Variants in PRKG1 observed in about 807,000 individuals in gnomAD.
PRKG1 encodes the protein protein kinase cGMP-dependent 1.
A neutral mutation model predicts 88.1 loss-of-function variants in PRKG1; 35 were observed. The observed-to-expected ratio is 0.40, with a 90% confidence interval of 0.30 to 0.53. The LOEUF (loss-of-function observed/expected upper bound fraction) is 0.53. PRKG1 is among the 20% of genes least tolerant of loss of function. PRKG1 has a pLI of 0.59. For missense variants in PRKG1, 540 were observed against 839.8 expected (o/e 0.64, Z 4.41); for synonymous variants, 303 against 292.5 (o/e 1.04, Z -0.37).
chr10:52,273,465 A>G (rs12412591), intron 12 of PRKG1, among the ~76,000 whole-genome samples: 3,922 of 152,110 alleles, frequency 0.026, 285 homozygotes, highest in East Asian at 0.24. Context: ...ATAACCATGT[A>G]ATGTTTTTAT....
In PRKG1 at chr10:52,016,501, C is replaced by A. The variant is rs1015764569; in HGVS notation, c.763-37983C>A. ...ATGAGATTCAAGTGGGGACACAGAGCCAAACTATATCAATAATTCCATCAT... is the reference window on the plus strand; with the variant it reads ...ATGAGATTCAAGTGGGGACACAGAGACAAACTATATCAATAATTCCATCAT... On this transcript the variant is annotated intron_variant, in intron 5 of 17. Transcript: ENST00000373980. 2.6e-5 allele frequency among the ~76,000 whole-genome samples: 4 copies of A among 152,208 alleles called. No individual in the cohort carries two copies. The East Asian group carries it at 5.8e-4, about 22-fold the overall frequency.
At chr10:52,031,138 A>G (rs986043837) in intron 5 of PRKG1, among the ~76,000 whole-genome samples, 5 of 152,132 alleles carry the variant, frequency 3.3e-5, no homozygotes, top group Admixed American at 6.5e-5. Context: ...AATAAGATAA[A>G]ATGATTGACC....
chr10:51,934,827 GTT>G (rs1842769245), intron 5 of PRKG1, among the ~76,000 whole-genome samples: 1 of 152,142 alleles, frequency 6.6e-6, no homozygotes, highest in Non-Finnish European at 1.5e-5. Flanking sequence ...CTGAGCAATT[GTT>G]TTTGTCACAG....
chr10:52,290,940 TGAGATG>T (rs1251420593), intron 17 of PRKG1, among the ~76,000 whole-genome samples: 6 of 150,962 alleles, frequency 4.0e-5, no homozygotes, highest in Non-Finnish European at 7.4e-5. Flanking sequence ...ATTTTTTTTT[TGAGATG>T]GAGTCTTAAT....
intron 5 of PRKG1, among the ~76,000 whole-genome samples, chr10:52,039,985 A>T (rs1200133723): frequency 1.3e-5 from 2 of 152,138 alleles, no homozygotes; most frequent in Non-Finnish European, 2.9e-5. Flanking sequence ...AGAAACAAAA[A>T]ATCCTTACCA....
Position 51,947,477 on chromosome 10 carries a change from C to G in PRKG1, c.762+39907C>G, listed in dbSNP as rs1212984184. On this transcript the variant is annotated intron_variant, in intron 5 of 17. Coordinates refer to ENST00000373980, the MANE Select transcript of PRKG1 (RefSeq NM_006258.4). The stretch of plus-strand genomic sequence containing the variant: ...CATGGTGCGCTGCACCCACTGTCTT[C>G]CGCCCACTGTCTGGCACTCCCTAGT... Among the ~76,000 whole-genome samples the G allele has an allele frequency of 2.9e-3, 446 of 152,206 alleles. 2 individuals are homozygous for G. Among genetic ancestry groups the G allele is most frequent in the African/African-American group, 0.01 (419 of 41,556 alleles).
chr10:51,537,839 G>T (rs1842196685), intron 3 of PRKG1, among the ~76,000 whole-genome samples: 1 of 152,024 alleles, frequency 6.6e-6, no homozygotes, highest in African/African-American at 2.4e-5. Flanking sequence ...CTAGGGACAG[G>T]TAATATTTAA....
At position 52,094,491 on chromosome 10, in the gene PRKG1, G is replaced by A. The variant is rs564261979; in HGVS notation, c.935+31860G>A. 4.0e-5 allele frequency among the ~76,000 whole-genome samples: 6 copies of A among 151,090 alleles called. No individual in the cohort carries two copies. In the East Asian group the frequency reaches 9.7e-4, roughly 25 times the overall value. On this transcript the variant is annotated intron_variant, in intron 7 of 17. Coordinates refer to ENST00000373980, the MANE Select transcript of PRKG1 (RefSeq NM_006258.4). ...ATTTCTTTTATTTTATATCACCACC[G>A]TTCATATATTTAAACATTAAAACCA... is the stretch of plus-strand genomic sequence containing the variant.
intron 2 of PRKG1, among the ~76,000 whole-genome samples, chr10:51,161,194 T>A (rs1056950203): frequency 1.3e-5 from 2 of 152,116 alleles, no homozygotes; most frequent in Non-Finnish European, 2.9e-5. Flanking sequence ...AGTGACAGAT[T>A]TGATGAATAG....
At chr10:51,777,397 T>C (rs115044089) in intron 3 of PRKG1, among the ~76,000 whole-genome samples, 1,585 of 152,260 alleles carry the variant, frequency 0.01, 39 homozygotes, top group African/African-American at 0.036. Context: ...TGCACATCTT[T>C]TGGGTTCACA....
chr10:51,478,504 A>G (rs1045861446), intron 3 of PRKG1, among the ~76,000 whole-genome samples: 4 of 152,104 alleles, frequency 2.6e-5, no homozygotes, highest in African/African-American at 9.7e-5. Flanking sequence ...GTATTGTATA[A>G]TTTTATATCC....
At chr10:51,865,087 G>T (rs1840980447) in intron 4 of PRKG1, among the ~76,000 whole-genome samples, 1 of 152,094 alleles carries the variant, frequency 6.6e-6, no homozygotes, top group Non-Finnish European at 1.5e-5. Context: ...CATTCTCAGA[G>T]AAATTTATAA....
At chr10:52,021,341 T>C (rs1039398503) in intron 5 of PRKG1, among the ~76,000 whole-genome samples, 3 of 152,164 alleles carry the variant, frequency 2.0e-5, no homozygotes, top group Admixed American at 6.6e-5. Context: ...GGAGGCCACA[T>C]GGGGTGTGAG....
chr10:51,089,465 A>T (rs1416936068), intron 1 of PRKG1, among the ~76,000 whole-genome samples: 1 of 152,216 alleles, frequency 6.6e-6, no homozygotes, highest in Non-Finnish European at 1.5e-5. Flanking sequence ...ACATAAGGAA[A>T]TACTTTTTAA....
At chr10:51,889,496 T>C (rs999276602) in intron 4 of PRKG1, among the ~76,000 whole-genome samples, 1 of 152,094 alleles carries the variant, frequency 6.6e-6, no homozygotes, top group African/African-American at 2.4e-5. Flanking sequence ...TCTTTGCTAT[T>C]GTATAGTGCC....
chr10:51,574,036 A>G (rs930347212), intron 3 of PRKG1, among the ~76,000 whole-genome samples: 2 of 151,990 alleles, frequency 1.3e-5, no homozygotes, highest in East Asian at 3.9e-4. Context: ...AAATGCTTTC[A>G]AAAGGAGGGC....
At chr10:51,958,820 C>G (rs1230324219) in intron 5 of PRKG1, among the ~76,000 whole-genome samples, 1 of 152,062 alleles carries the variant, frequency 6.6e-6, no homozygotes, top group Non-Finnish European at 1.5e-5. Context: ...ATTAGTAGTT[C>G]CACTTTAATC....
intron 1 of PRKG1, among the ~76,000 whole-genome samples, chr10:51,117,857 C>A (rs1280363401): frequency 1.3e-5 from 2 of 152,148 alleles, no homozygotes; most frequent in Non-Finnish European, 2.9e-5. Context: ...AACATGATTG[C>A]AGTTCTATGT....
chr10:51,003,134 T>A (rs1361967614), intron 1 of PRKG1, among the ~76,000 whole-genome samples: 1 of 151,994 alleles, frequency 6.6e-6, no homozygotes, highest in East Asian at 1.9e-4. Flanking sequence ...AGATTGAATG[T>A]TGGGTATGCT....
Sources: gnomAD v4.1 joint callset for allele counts (sites outside exome capture counted in the v4.1 genomes callset) on GRCh38, gnomAD v4.1.1 for gene constraint, MANE v1.5 for transcripts, NCBI Gene and HGNC (gene_info 2026-07-23, HGNC 2026-07-21) for gene names.